Variants in CFAP20DC observed in about 807,000 individuals in gnomAD.
CFAP20DC encodes the protein protein CFAP20DC.
In CFAP20DC, 84 loss-of-function variants were observed where a neutral mutation model predicts 101.7. That is an observed-to-expected ratio of 0.83 (90% CI 0.69 to 0.99). The LOEUF is 0.99. Among genes scored for constraint, CFAP20DC ranks in the 50% least tolerant of loss-of-function variants. CFAP20DC has a pLI of 0.00. For synonymous variants in CFAP20DC, 359 were observed against 351.2 expected (o/e 1.02, Z -0.25); for missense variants, 1,007 against 970.3 (o/e 1.04, Z -0.50).
intron 16 of CFAP20DC, among the ~76,000 whole-genome samples, chr3:58,751,427 G>C (rs890687874): frequency 6.6e-6 from 1 of 152,112 alleles, no homozygotes; most frequent in Non-Finnish European, 1.5e-5. Context: ...CCTTCATTCA[G>C]CTGTTCACTC....
At chr3:58,839,737 T>C (rs2076972851) in intron 13 of CFAP20DC, among the ~76,000 whole-genome samples, 1 of 152,188 alleles carries the variant, frequency 6.6e-6, no homozygotes, top group African/African-American at 2.4e-5. Context: ...TTAATGTCTG[T>C]CAAGTCTTTC....
intron 14 of CFAP20DC, among the ~76,000 whole-genome samples, chr3:58,819,869 T>C (rs1398914936): frequency 3.0e-4 from 45 of 148,708 alleles, no homozygotes; most frequent in Admixed American, 1.0e-3. Flanking sequence ...ATATCCTTGA[T>C]GAACATTGAT....
At chr3:58,836,951 G>A (rs60321092) in intron 13 of CFAP20DC, among the ~76,000 whole-genome samples, 16,699 of 152,034 alleles carry the variant, frequency 0.11, 1,799 homozygotes, top group East Asian at 0.31. Flanking sequence ...TGGAGGAGAC[G>A]GTCCCTAAGA....
chr3:58,762,824 T>G (rs1237861442), intron 15 of CFAP20DC, among the ~76,000 whole-genome samples: 1 of 152,224 alleles, frequency 6.6e-6, no homozygotes, highest in Non-Finnish European at 1.5e-5. Flanking sequence ...TATGAAATTC[T>G]GGGTTGAAAA....
chr3:58,759,790 T>G (rs930646986), intron 15 of CFAP20DC, among the ~76,000 whole-genome samples: 47 of 152,110 alleles, frequency 3.1e-4, no homozygotes, highest in African/African-American at 4.1e-4. Flanking sequence ...CTTAAATAGG[T>G]AATCCTTTCC....
At chr3:58,981,143 T>C (rs529825228) in intron 4 of CFAP20DC, among the ~76,000 whole-genome samples, 70 of 152,160 alleles carry the variant, frequency 4.6e-4, no homozygotes, top group African/African-American at 1.6e-3. Flanking sequence ...GGAATCCAAC[T>C]TACAAGGGAT....
intron 4 of CFAP20DC, among the ~76,000 whole-genome samples, chr3:58,948,955 C>T (rs902299273): frequency 4.6e-5 from 7 of 152,174 alleles, no homozygotes; most frequent in African/African-American, 1.7e-4. Flanking sequence ...TAATTATTGC[C>T]TCAATTTCAG....
In CFAP20DC at chr3:58,791,714, A is replaced by T. The variant is rs187055603; in HGVS notation, c.2237+14681T>A. ...AACAACAAATGTTAATTTCTTGCTC[A>T]TGTTAAGTTTTTATAACAGATCATT... is the stretch of plus-strand genomic sequence containing the variant. On this transcript the variant is annotated intron_variant, in intron 15 of 16. Coordinates refer to ENST00000482387, the MANE Select transcript of CFAP20DC (RefSeq NM_001394063.1). Among the ~76,000 whole-genome samples, 462 of 152,292 alleles carry T rather than the reference A, an allele frequency of 3.0e-3. 3 individuals are homozygous for T. Among genetic ancestry groups the T allele is most frequent in the Middle Eastern group, 0.01 (3 of 294 alleles).
chr3:58,852,610 A>G (rs1559707941), intron 12 of CFAP20DC, among the ~76,000 whole-genome samples: 2 of 151,398 alleles, frequency 1.3e-5, no homozygotes, highest in African/African-American at 2.4e-5. Context: ...CAAATGTAAA[A>G]GAACAGAAAT....
rs2079084610 is a variant in CFAP20DC at position 58,859,587 on chromosome 3, A to C, written c.1593+3971T>G. On this transcript the variant is annotated intron_variant, in intron 12 of 16. Coordinates refer to ENST00000482387, the MANE Select transcript of CFAP20DC (RefSeq NM_001394063.1). This position sits in a 1 kb window ranked among gnomAD's most constrained non-coding sequence, Gnocchi z 4.1. Reference sequence around the variant, plus strand: ...CAAGAGACCTGTGACTTTTTCAGAGAAGAGCTTCAATAGATAATAATAAAG... The same window carrying C: ...CAAGAGACCTGTGACTTTTTCAGAGCAGAGCTTCAATAGATAATAATAAAG... 6.6e-6 allele frequency among the ~76,000 whole-genome samples: 1 copy of C among 152,214 alleles called. No individual in the cohort carries two copies. Among genetic ancestry groups the C allele is most frequent in the South Asian group, 2.1e-4 (1 of 4,832 alleles).
chr3:58,791,923 T>C (rs2072890857), intron 15 of CFAP20DC, among the ~76,000 whole-genome samples: 1 of 152,154 alleles, frequency 6.6e-6, no homozygotes, highest in South Asian at 2.1e-4. Context: ...CTAGAATTAG[T>C]TGGGTTAGTT....
intron 15 of CFAP20DC, among the ~76,000 whole-genome samples, chr3:58,760,312 C>T (rs1345778206): frequency 2.0e-5 from 3 of 152,158 alleles, no homozygotes; most frequent in African/African-American, 7.2e-5. Flanking sequence ...AATGGGAGTT[C>T]ACTCATGATT....
intron 12 of CFAP20DC, among the ~76,000 whole-genome samples, chr3:58,849,847 A>C (rs1475229004): frequency 6.6e-6 from 1 of 152,084 alleles, no homozygotes; most frequent in African/African-American, 2.4e-5. Flanking sequence ...GAGAAATGGT[A>C]CTCTATTAAT....
intron 4 of CFAP20DC, among the ~76,000 whole-genome samples, chr3:58,966,649 G>A (rs1467269071): frequency 3.3e-5 from 5 of 151,016 alleles, no homozygotes; most frequent in South Asian, 2.1e-4. Flanking sequence ...TCAGCCTCCC[G>A]AGTAGCTGGG....
In CFAP20DC at chr3:58,807,227, C is replaced by T. The variant is rs535285643; in HGVS notation, c.2176-771G>A. On this transcript the variant is annotated intron_variant, in intron 14 of 16. Transcript: ENST00000482387. The stretch of plus-strand genomic sequence containing the variant: ...GAAGAGAGCAGTGGTTCTCCCAGCA[C>T]GCAGCTGGAGATCTGAGAATGGGCA... Among the ~76,000 whole-genome samples, 341 of 152,272 alleles carry T rather than the reference C, an allele frequency of 2.2e-3. 2 individuals are homozygous for T. The highest frequency in any genetic ancestry group is 7.8e-3 in the African/African-American group (323 of 41,546).
chr3:59,027,320 C>A (rs1016964778), intron 4 of CFAP20DC, among the ~76,000 whole-genome samples: 1 of 151,976 alleles, frequency 6.6e-6, no homozygotes. Flanking sequence ...TATCAGATTC[C>A]AAATGGAAGT....
chr3:58,988,339 G>A (rs1559949843), intron 4 of CFAP20DC, among the ~76,000 whole-genome samples: 1 of 152,060 alleles, frequency 6.6e-6, no homozygotes, highest in African/African-American at 2.4e-5. Flanking sequence ...CAGTCAAGAC[G>A]GGTTATACCA....
intron 4 of CFAP20DC, among the ~76,000 whole-genome samples, chr3:58,957,453 A>T (rs1190926825): frequency 6.6e-6 from 1 of 152,306 alleles, no homozygotes; most frequent in Non-Finnish European, 1.5e-5. Context: ...AGGTTCCTCA[A>T]AAAACTAAAA....
intron 15 of CFAP20DC, among the ~76,000 whole-genome samples, chr3:58,769,195 C>T (rs934996330): frequency 1.3e-5 from 2 of 152,064 alleles, no homozygotes; most frequent in Non-Finnish European, 2.9e-5. Flanking sequence ...GGAAGAGTGC[C>T]CCTGACTTCC....
Sources: allele counts gnomAD v4.1 joint callset (sites outside exome capture counted in the v4.1 genomes callset), GRCh38; gene constraint gnomAD v4.1.1; non-coding constraint Gnocchi (gnomAD v3.1); transcripts MANE v1.5; gene names NCBI Gene and HGNC (gene_info 2026-07-23, HGNC 2026-07-21).